The following RGS6 variants were observed in gnomAD, a reference collection of about 807,000 sequenced individuals.
RGS6 encodes the protein regulator of G-protein signaling 6.
A neutral mutation model predicts 78.5 loss-of-function variants in RGS6; 30 were observed. That is an observed-to-expected ratio of 0.38 (90% CI 0.29 to 0.52). The LOEUF is 0.52. RGS6 is among the 20% of genes least tolerant of loss of function. RGS6 has a pLI of 0.85. For synonymous variants in RGS6, 206 were observed against 206.0 expected, an observed-to-expected ratio of 1.00 and a Z score of 0.00; for missense variants, 495 against 609.7, an observed-to-expected ratio of 0.81 and a Z score of 1.98.
chr14:72,011,360 A>C (rs559023114), intron 2 of RGS6, among the ~76,000 whole-genome samples: 1 of 152,214 alleles, frequency 6.6e-6, no homozygotes, highest in African/African-American at 2.4e-5. Flanking sequence ...TTGTGGCCTC[A>C]TGATGGCATC....
intron 2 of RGS6, among the ~76,000 whole-genome samples, chr14:72,207,822 C>T (rs1280979724): frequency 6.6e-6 from 1 of 152,154 alleles, no homozygotes; most frequent in Non-Finnish European, 1.5e-5. Context: ...AGACTTCGGG[C>T]AAGGTTATTA....
intron 3 of RGS6, among the ~76,000 whole-genome samples, chr14:72,363,146 G>T (rs566940909): frequency 2.6e-4 from 39 of 152,296 alleles, no homozygotes; most frequent in African/African-American, 9.1e-4. Context: ...TGTAGACTTT[G>T]TTCCAAAGGT....
At chr14:72,277,525 C>T (rs2060875996) in intron 2 of RGS6, among the ~76,000 whole-genome samples, 1 of 151,630 alleles carries the variant, frequency 6.6e-6, no homozygotes, top group African/African-American at 2.4e-5. Context: ...TGAACTAGGG[C>T]ATCAAAAGTT....
At chr14:72,125,988 A>AG (rs1478171910) in intron 2 of RGS6, among the ~76,000 whole-genome samples, 2 of 152,182 alleles carry the variant, frequency 1.3e-5, no homozygotes, top group African/African-American at 4.8e-5. Context: ...AGATACTTTT[A>AG]GGTATATAGG....
chr14:72,244,610 G>A (rs1000872172), intron 2 of RGS6, among the ~76,000 whole-genome samples: 1 of 152,088 alleles, frequency 6.6e-6, no homozygotes, highest in Admixed American at 6.6e-5. Context: ...TAGTCACAGG[G>A]TAACTGAAGA....
At chr14:72,508,562 CTTTTTTTTTTTTTTTTTTTTT>C (rs61097187) in intron 13 of RGS6, among the ~76,000 whole-genome samples, 5 of 56,460 alleles carry the variant, frequency 8.9e-5, no homozygotes, top group Non-Finnish European at 1.5e-4. Context: ...ACACAAGCTC[CTTTTTTTTTTTTTTTTTTTTT>C]TTTTTTTTTT....
At chr14:72,268,480 G>A (rs1409992639) in intron 2 of RGS6, among the ~76,000 whole-genome samples, 1 of 152,200 alleles carries the variant, frequency 6.6e-6, no homozygotes, top group African/African-American at 2.4e-5. Flanking sequence ...AAATGGAACA[G>A]CACCCCACAG....
chr14:72,065,758 T>A (rs2094114361), intron 2 of RGS6, among the ~76,000 whole-genome samples: 1 of 151,934 alleles, frequency 6.6e-6, no homozygotes, highest in African/African-American at 2.4e-5. Context: ...GCCCTCATTA[T>A]TTTATTTTAT....
intron 6 of RGS6, among the ~76,000 whole-genome samples, chr14:72,461,993 T>C (rs1312880402): frequency 1.3e-5 from 2 of 152,144 alleles, no homozygotes; most frequent in Non-Finnish European, 2.9e-5. Flanking sequence ...TCGGTATTAT[T>C]GCCACTGGGA....
At chr14:72,090,372 C>A (rs951148427) in intron 2 of RGS6, among the ~76,000 whole-genome samples, 6 of 152,146 alleles carry the variant, frequency 3.9e-5, no homozygotes, top group African/African-American at 1.4e-4. Flanking sequence ...GCCTGAGCTC[C>A]GTCCACCTCC....
chr14:72,448,888 T>C (rs556582270), intron 3 of RGS6, among the ~76,000 whole-genome samples: 1 of 152,360 alleles, frequency 6.6e-6, no homozygotes, highest in Non-Finnish European at 1.5e-5. Flanking sequence ...TGAGCCTCTC[T>C]GGGCCTAATC....
the RGS6 span, among the ~76,000 whole-genome samples, chr14:71,922,856 AAAAACAAAACAAAAC>A: frequency 6.6e-6 from 1 of 150,660 alleles, no homozygotes; most frequent in Non-Finnish European, 1.5e-5. Flanking sequence ...GACAAAAAAC[AAAAACAAAACAAAAC>A]AAAACAAAAC....
intron 2 of RGS6, among the ~76,000 whole-genome samples, chr14:71,995,086 A>C (rs1046473712): frequency 6.6e-6 from 1 of 152,180 alleles, no homozygotes; most frequent in Non-Finnish European, 1.5e-5. Flanking sequence ...CCTTCTGGGC[A>C]TCTTCAGCAC....
intron 2 of RGS6, among the ~76,000 whole-genome samples, chr14:71,967,040 A>C (rs2093564031): frequency 6.6e-6 from 1 of 152,014 alleles, no homozygotes; most frequent in Non-Finnish European, 1.5e-5. Flanking sequence ...CAGGTTTATG[A>C]GAACTTGGTT....
intron 2 of RGS6, among the ~76,000 whole-genome samples, chr14:72,049,734 A>T (rs1157167601): frequency 6.6e-6 from 1 of 152,128 alleles, no homozygotes; most frequent in East Asian, 1.9e-4. Context: ...TTATTTGCTG[A>T]TTGATTTCTG....
Position 72,073,627 on chromosome 14 carries a change from G to A in RGS6, c.84+108752G>A, listed in dbSNP as rs1246014747. On this transcript the variant is annotated intron_variant, in intron 2 of 17. Coordinates refer to ENST00000553525, the MANE Select transcript of RGS6 (RefSeq NM_001204424.2). ...ACTTAGACATGCCAGTTCACCTAAT[G>A]GGCACAGCTTTGGGAAGTGGAGAAT... Among the ~76,000 whole-genome samples, 4 of 152,214 alleles carry A rather than the reference G, an allele frequency of 2.6e-5. No homozygotes were observed. In the South Asian group the frequency reaches 6.2e-4, roughly 24 times the overall value.
chr14:72,352,508 A>G (rs1478262996), intron 3 of RGS6, among the ~76,000 whole-genome samples: 1 of 152,232 alleles, frequency 6.6e-6, no homozygotes, highest in Non-Finnish European at 1.5e-5. Flanking sequence ...CAGAAATATT[A>G]AAGAAATTAA....
chr14:72,178,737 G>A (rs751804522), intron 2 of RGS6, among the ~76,000 whole-genome samples: 71 of 152,200 alleles, frequency 4.7e-4, no homozygotes, highest in Middle Eastern at 3.4e-3. Context: ...TAAATTGCAG[G>A]GTCGTGGACT....
chr14:72,548,342 T>TGTGTGTGTGTGTGTGTGCGCGCGC (rs796698263), intron 17 of RGS6, among the ~76,000 whole-genome samples: 2 of 134,744 alleles, frequency 1.5e-5, no homozygotes, highest in Non-Finnish European at 3.1e-5. Flanking sequence ...TGTGTGTGTG[T>TGTGTGTGTGTGTGTGTGCGCGCGC]GCGCGCGTGT....
Sources: gnomAD v4.1 joint callset for allele counts (sites outside exome capture counted in the v4.1 genomes callset) on GRCh38, gnomAD v4.1.1 for gene constraint, MANE v1.5 for transcripts, NCBI Gene and HGNC (gene_info 2026-07-23, HGNC 2026-07-21) for gene names.